NELL2: variants seen among roughly 807,000 people sequenced by gnomAD.
NELL2 encodes protein kinase C-binding protein NELL2.
NELL2 carries 41 observed loss-of-function variants against 109.6 expected under a neutral mutation model. The observed-to-expected ratio is 0.37, with a 90% CI of 0.29 to 0.49. NELL2 has a LOEUF of 0.49. Among genes scored for constraint, NELL2 ranks in the 20% least tolerant of loss-of-function variants. The probability of loss-of-function intolerance (pLI) is 0.98; values close to 1 mark genes in which losing one functional copy is unlikely to be tolerated. For synonymous variants in NELL2, 355 were observed against 344.7 expected (o/e 1.03, Z -0.33); for missense variants, 900 against 1,008.3 (o/e 0.89, Z 1.45).
chr12:44,633,144 A>T (rs1030745939), intron 13 of NELL2, among the ~76,000 whole-genome samples: 2 of 152,088 alleles, frequency 1.3e-5, no homozygotes, highest in Non-Finnish European at 2.9e-5. Flanking sequence ...ATAGATGCTA[A>T]GAGGAAAAGA....
chr12:44,673,192 T>C (rs137978259), intron 12 of NELL2, among the ~76,000 whole-genome samples: 79 of 152,316 alleles, frequency 5.2e-4, no homozygotes, highest in African/African-American at 1.8e-3. Flanking sequence ...GTTTATGTAC[T>C]GAAATTGCAA....
rs1945148839 is a variant in NELL2 at position 44,600,064 on chromosome 12, C to A, written c.1663+7105G>T. ...GCAAGCCCCGCCTCCCCAGTTCACG[C>A]CATTCTCCTGCCTCAGCCTCCCGAG... On this transcript the variant is annotated intron_variant, in intron 15 of 19. Transcript: ENST00000429094. Among the ~76,000 whole-genome samples the A allele has an allele frequency of 3.3e-5, 5 of 151,186 alleles. No homozygotes were observed. The South Asian group carries it at 1.0e-3, about 32-fold the overall frequency.
chr12:44,788,439 ACC>A, intron 3 of NELL2, among the ~76,000 whole-genome samples: 1 of 152,248 alleles, frequency 6.6e-6, no homozygotes, highest in Non-Finnish European at 1.5e-5. Flanking sequence ...TTCCAAACTT[ACC>A]TAGAGCTGAG....
chr12:44,791,224 A>ATATATATATATATATC (rs1439301860), intron 3 of NELL2, among the ~76,000 whole-genome samples: 8 of 95,112 alleles, frequency 8.4e-5, no homozygotes, highest in Non-Finnish European at 1.3e-4. Context: ...ATATATATAT[A>ATATATATATATATATC]TATGATGGAA....
upstream of NELL2, chr12:44,876,748 G>T: frequency 1.3e-6 from 2 of 1,511,104 alleles, no homozygotes; most frequent in Non-Finnish European, 8.9e-7. Flanking sequence ...ACTGGGCTCC[G>T]GAGCAGCCCC....
chr12:44,693,222 T>C (rs1948952205), intron 12 of NELL2, among the ~76,000 whole-genome samples: 1 of 152,198 alleles, frequency 6.6e-6, no homozygotes, highest in African/African-American at 2.4e-5. Context: ...AAAAATATTA[T>C]TATGACTCTC....
At chr12:44,775,088 C>G (rs1415858470) in intron 8 of NELL2, among the ~76,000 whole-genome samples, 1 of 152,168 alleles carries the variant, frequency 6.6e-6, no homozygotes, top group African/African-American at 2.4e-5. Flanking sequence ...GCTGGCTGCT[C>G]GGGCTTCCCA....
intron 12 of NELL2, among the ~76,000 whole-genome samples, chr12:44,684,354 C>G (rs1056580556): frequency 6.6e-6 from 1 of 151,962 alleles, no homozygotes; most frequent in Admixed American, 6.6e-5. Context: ...TTTGTTGATC[C>G]TTTCAAAAAA....
At chr12:44,619,016 T>A (rs1945941721) in intron 13 of NELL2, among the ~76,000 whole-genome samples, 3 of 152,262 alleles carry the variant, frequency 2.0e-5, no homozygotes, top group African/African-American at 7.2e-5. Flanking sequence ...TTCAGTGCTT[T>A]AAAATATACA....
intron 15 of NELL2, among the ~76,000 whole-genome samples, chr12:44,573,056 GT>G (rs113170347): frequency 1.1e-3 from 165 of 152,306 alleles, no homozygotes; most frequent in African/African-American, 3.9e-3. Flanking sequence ...GAATGGAAAT[GT>G]TCTCCAATAA....
intron 13 of NELL2, among the ~76,000 whole-genome samples, chr12:44,664,618 G>A (rs1458588367): frequency 6.6e-6 from 1 of 152,014 alleles, no homozygotes; most frequent in Non-Finnish European, 1.5e-5. Context: ...GTTTATACAT[G>A]CACCTGATAA....
rs200243754 is a variant in NELL2 at position 44,780,018 on chromosome 12, G to T, written c.340C>A (p.Leu114Met). 1.9e-5 allele frequency: 30 copies of T among 1,613,320 alleles called. No homozygotes were observed. In the East Asian group the frequency reaches 6.5e-4, roughly 35 times the overall value. The change falls in exon 4 of 20, where the codon CTG becomes ATG. Residue 114 changes from leucine (L) to methionine (M), a missense_variant. Leu to Met is a conservative substitution (Grantham distance 15, BLOSUM62 2). Coordinates refer to ENST00000429094, the MANE Select transcript of NELL2 (RefSeq NM_001145108.2). ...CGATGGCCACTACTTTCCAGTTCCA[G>T]GTACCTGCAGAGAGAAGAGCCACAT... ...LSIHHLDHRY[L>M]ELESSGHRNE...
intron 11 of NELL2, among the ~76,000 whole-genome samples, chr12:44,709,267 T>G (rs377640327): frequency 6.6e-6 from 1 of 152,170 alleles, no homozygotes; most frequent in African/African-American, 2.4e-5. Context: ...AGAAGTGATG[T>G]GGTGCCAGTT....
At chr12:44,825,767 C>T (rs764703932) in intron 2 of NELL2, among the ~76,000 whole-genome samples, 7 of 149,530 alleles carry the variant, frequency 4.7e-5, no homozygotes, top group African/African-American at 7.4e-5. Context: ...TGTGTTAGGC[C>T]GGGCCCGGTG....
At chr12:44,863,818 A>C (rs2136813915) in intron 2 of NELL2, among the ~76,000 whole-genome samples, 1 of 152,362 alleles carries the variant, frequency 6.6e-6, no homozygotes, top group African/African-American at 2.4e-5. Context: ...ATGAAGGTTA[A>C]AAGTCAAAAC....
rs988632506 is a variant in NELL2, at chr12:44,713,709, C to T, written c.1086+941G>A. ...CTTGCCTCTTTGCATCTCCTCCTTG[C>T]TTATCTCAAAGGATTTCCAAATTAA... On this transcript the variant is annotated intron_variant, in intron 10 of 19. Transcript: ENST00000429094. Among the ~76,000 whole-genome samples, 6 of 151,838 alleles carry T rather than the reference C, an allele frequency of 4.0e-5. No individual in the cohort carries two copies. The East Asian group carries it at 1.2e-3, about 29-fold the overall frequency.
intron 15 of NELL2, among the ~76,000 whole-genome samples, chr12:44,566,749 C>G (rs946196882): frequency 3.3e-5 from 5 of 152,128 alleles, no homozygotes; most frequent in Middle Eastern, 3.4e-3. Context: ...CAAACAAGAA[C>G]AATTATATCT....
chr12:44,605,619 T>C (rs1198829708), intron 15 of NELL2, among the ~76,000 whole-genome samples: 1 of 152,188 alleles, frequency 6.6e-6, no homozygotes, highest in Non-Finnish European at 1.5e-5. Flanking sequence ...TATTTTCTCC[T>C]AGTGGAAGAA....
chr12:44,695,278 G>A lies in NELL2; in HGVS notation c.1318+8448C>T, dbSNP rs148327340. On this transcript the variant is annotated intron_variant, in intron 12 of 19. Coordinates refer to ENST00000429094, the MANE Select transcript of NELL2 (RefSeq NM_001145108.2). ...TCTGGATGAAATACAGAATCAGAGCGAGACTCCGTCTCAAAAAAAAAAAAA... is the reference window on the plus strand; with the variant it reads ...TCTGGATGAAATACAGAATCAGAGCAAGACTCCGTCTCAAAAAAAAAAAAA... Among the ~76,000 whole-genome samples, 408 of 142,200 alleles carry A rather than the reference G, an allele frequency of 2.9e-3. 1 individual carries two copies. Among genetic ancestry groups the A allele is most frequent in the African/African-American group, 0.01 (386 of 37,102 alleles). 93.3% of individuals were successfully genotyped at this position (142,200 alleles called of 152,430 possible).
Sources: gnomAD v4.1 joint callset for allele counts (sites outside exome capture counted in the v4.1 genomes callset) on GRCh38, gnomAD v4.1.1 for gene constraint, MANE v1.5 for transcripts, NCBI Gene and HGNC (gene_info 2026-07-23, HGNC 2026-07-21) for gene names.